ARFGAP1: variants seen among roughly 807,000 people sequenced by gnomAD.
ARFGAP1 encodes the protein ARF GTPase activating protein 1.
In ARFGAP1, 26 loss-of-function variants were observed where a neutral mutation model predicts 54.0. The ratio of observed to expected loss-of-function variants is 0.48; its 90% CI spans 0.35 to 0.67. ARFGAP1 has a LOEUF of 0.67. ARFGAP1 is among the 30% of genes least tolerant of loss of function. The pLI, the probability that ARFGAP1 is intolerant of heterozygous loss-of-function variation, is 0.00. For missense variants in ARFGAP1, 525 were observed against 535.8 expected (o/e 0.98, Z 0.20); for synonymous variants, 248 against 211.9 (o/e 1.17, Z -1.48).
Position 63,276,303 on chromosome 20 carries a change from C to A in ARFGAP1, c.170+103C>A. On this transcript the variant is annotated intron_variant, in intron 3 of 12. Transcript: ENST00000370283. The surrounding 1 kb of genome is among the most constrained non-coding windows in gnomAD (Gnocchi z 5.2). ...CGCCAGGGAAGCTTGGGGGCCACCTCCCATTGCATTGCCAGTGTCCACTCT... is the reference window on the plus strand; with the variant it reads ...CGCCAGGGAAGCTTGGGGGCCACCTACCATTGCATTGCCAGTGTCCACTCT... The A allele has an allele frequency of 7.0e-7, 1 of 1,418,846 alleles. No homozygotes were observed. The highest frequency in any genetic ancestry group is 9.8e-7 in the Non-Finnish European group (1 of 1,018,022). The allele number at this position is 1,418,846 out of a possible 1,614,324, so 87.9% of individuals were successfully genotyped here. A position where few individuals can be genotyped will look rare whatever the true frequency, so the allele number is the denominator to read the frequency against.
intron 9 of ARFGAP1, chr20:63,284,331 G>A (rs112954949): frequency 4.7e-6 from 5 of 1,069,242 alleles, no homozygotes; most frequent in African/African-American, 1.6e-5. Context: ...CCTGCCTTTG[G>A]GGGAAGAGGA....
chr20:63,275,088 C>A (rs1478933989), intron 1 of ARFGAP1, among the ~76,000 whole-genome samples: 1 of 152,192 alleles, frequency 6.6e-6, no homozygotes, highest in Non-Finnish European at 1.5e-5. Context: ...AGCCTCCCTG[C>A]ACTGCGTTGG....
chr20:63,285,570 T>C, intron 10 of ARFGAP1, 84 bp from the exon 11 acceptor site: 1 of 1,452,330 alleles, frequency 6.9e-7, no homozygotes, highest in East Asian at 2.3e-5. Flanking sequence ...TCGGATGCCC[T>C]CACCCGGGGG....
At chr20:63,278,421 TGGG>T (rs3215650) in intron 6 of ARFGAP1, 1 of 518,288 alleles carries the variant, frequency 1.9e-6, no homozygotes, top group Non-Finnish European at 3.5e-6. Flanking sequence ...AGGTGTGAAT[TGGG>T]GGGTCTTAGA....
Position 63,287,995 on chromosome 20 carries a change from C to T in ARFGAP1, c.*122C>T, listed in dbSNP as rs1284067644. 44 of 1,198,902 alleles carry T rather than the reference C, an allele frequency of 3.7e-5. No homozygotes were observed. Among genetic ancestry groups the T allele is most frequent in the East Asian group, 5.1e-5 (2 of 38,874 alleles). The allele number at this position is 1,198,902 out of a possible 1,614,324, so 74.3% of individuals were successfully genotyped here. On this transcript the variant is annotated 3_prime_UTR_variant, in exon 13 of 13. Transcript: ENST00000370283. ...CAACTGCAGTGTGAGGACAGCGTCT[C>T]GGGAGGCAGGACCCTAGGGAGACCC... is the stretch of plus-strand genomic sequence containing the variant.
At chr20:63,283,169 C>T (rs1177531116) in intron 9 of ARFGAP1, 19 of 450,708 alleles carry the variant, frequency 4.2e-5, no homozygotes, top group South Asian at 1.4e-4. Context: ...CCCACGCTGG[C>T]GGTGGCCGCT....
At chr20:63,282,599 A>T (rs2067413268) in intron 8 of ARFGAP1, among the ~76,000 whole-genome samples, 1 of 152,146 alleles carries the variant, frequency 6.6e-6, no homozygotes, top group Admixed American at 6.5e-5. Flanking sequence ...CCAATAGCAC[A>T]CCGAGCTGGC....
At chr20:63,277,710 G>A (rs533385601) in intron 5 of ARFGAP1, among the ~76,000 whole-genome samples, 82 of 152,300 alleles carry the variant, frequency 5.4e-4, no homozygotes, top group African/African-American at 1.9e-3. Context: ...GGAACGTCCC[G>A]GGTGGGGTGA....
intron 8 of ARFGAP1, among the ~76,000 whole-genome samples, chr20:63,282,309 G>A (rs553461485): frequency 3.0e-4 from 45 of 152,388 alleles, no homozygotes; most frequent in Admixed American, 2.7e-3. Flanking sequence ...GGCCTGGGGA[G>A]GCCCAGGTAC....
chr20:63,279,064 T>C (rs2067311067), intron 7 of ARFGAP1, 69 bp downstream of exon 7: 4 of 1,466,366 alleles, frequency 2.7e-6, no homozygotes, highest in Non-Finnish European at 3.8e-6. Context: ...CGGGCCATAG[T>C]GGGCAGTGTG....
In ARFGAP1 at chr20:63,276,686, G is replaced by A. The variant is rs752019185; in HGVS notation, c.342+35G>A. 1 of 1,571,738 alleles carries A rather than the reference G, an allele frequency of 6.4e-7. No individual in the cohort carries two copies. The highest frequency in any genetic ancestry group is 1.2e-5 in the South Asian group (1 of 85,090). On this transcript the variant is annotated intron_variant, in intron 4 of 12. Coordinates refer to ENST00000370283, the MANE Select transcript of ARFGAP1 (RefSeq NM_018209.4). This position sits in a 1 kb window ranked among gnomAD's most constrained non-coding sequence, Gnocchi z 5.2. ...GGCCCGATTCACTCTTGCCCATGGT[G>A]TGGGGCTGCCCTGCCGTTTGTGGCA...
At chr20:63,274,101 G>A (rs1404381114) in intron 1 of ARFGAP1, 1 of 152,172 alleles carries the variant, frequency 6.6e-6, no homozygotes, top group Admixed American at 6.5e-5. Flanking sequence ...TCAGATGTCT[G>A]CCTCATGATC....
intron 9 of ARFGAP1, 37 bp from the exon 10 acceptor site, chr20:63,284,829 A>G (rs754994305): frequency 6.2e-7 from 1 of 1,610,280 alleles, no homozygotes; most frequent in South Asian, 1.1e-5. Context: ...CCCGTGGTGG[A>G]GCTGTCGTGG....
intron 8 of ARFGAP1, among the ~76,000 whole-genome samples, chr20:63,281,598 C>T (rs1047358053): frequency 2.0e-5 from 3 of 152,118 alleles, no homozygotes; most frequent in South Asian, 2.1e-4. Context: ...AAAGGGGTCC[C>T]GCCCTGATGA....
chr20:63,285,244 C>G (rs914340745), intron 10 of ARFGAP1, among the ~76,000 whole-genome samples: 17 of 152,156 alleles, frequency 1.1e-4, no homozygotes, highest in Non-Finnish European at 1.9e-4. Flanking sequence ...TCTGCCTCAC[C>G]CCCACAGCTG....
In ARFGAP1 at chr20:63,286,438, G is replaced by C. The variant is rs1356316591; in HGVS notation, c.907G>C (p.Asp303His). The C allele has an allele frequency of 6.2e-6, 10 of 1,613,296 alleles. No individual in the cohort carries two copies. The highest frequency in any genetic ancestry group is 8.5e-6 in the Non-Finnish European group (10 of 1,179,938). ...TTCGGGGAAAGCAGAGGGCCCCTTG[G>C]ACAGGTATGCTGTGTCCCCTCCTGG... ...FFSGKAEGPL[D>H]SPSEGHSYQN... Residue 303 changes from aspartate to histidine, a missense_variant, in exon 12 of 13, where the codon GAC becomes CAC. Physicochemically the swap from Asp to His is moderately conservative, Grantham distance 81 (BLOSUM62 -1). Coordinates refer to ENST00000370283, the MANE Select transcript of ARFGAP1 (RefSeq NM_018209.4).
chr20:63,289,093 G>A lies in ARFGAP1; in HGVS notation c.*1220G>A, dbSNP rs558067589. 20 of 156,138 alleles carry A rather than the reference G, an allele frequency of 1.3e-4. No individual in the cohort carries two copies. The highest frequency in any genetic ancestry group is 3.9e-4 in the South Asian group (2 of 5,066). The allele number at this position is 156,138 out of a possible 1,614,324, so 9.7% of individuals were successfully genotyped here. On this transcript the variant is annotated 3_prime_UTR_variant, in exon 13 of 13. Transcript: ENST00000370283. Reference sequence around the variant, plus strand: ...CGAGATTTCAGCGAGCCCTCCTGGCGCCCGGTCCTCCCTGTGGGCACCAGC... The same window carrying A: ...CGAGATTTCAGCGAGCCCTCCTGGCACCCGGTCCTCCCTGTGGGCACCAGC...
At position 63,287,870 on chromosome 20, in the gene ARFGAP1, G is replaced by A. The variant is rs772078690; in HGVS notation, c.1218G>A (p.Trp406Ter). The change falls in exon 13 of 13, where the codon TGG becomes TGA. Residue 406 changes from tryptophan (W) to a stop codon, truncating the protein, a stop_gained. Transcript: ENST00000370283. LOFTEE classifies it high-confidence loss of function. Reference sequence around the variant, plus strand: ...ATGATGGCTGGGACAACCAGAACTGGTAGGGCCCACTGCGCCCCCGTCCCC... The same window carrying A: ...ATGATGGCTGGGACAACCAGAACTGATAGGGCCCACTGCGCCCCCGTCCCC... Reference protein sequence around the residue: ...PTDDGWDNQNW With the variant: ...PTDDGWDNQN 5.2e-6 allele frequency: 8 copies of A among 1,534,050 alleles called. No homozygotes were observed. In the South Asian group the frequency reaches 7.2e-5, roughly 14 times the overall value.
rs2067548660 is a variant in ARFGAP1 at position 63,286,408 on chromosome 20, T to A, written c.877T>A (p.Phe293Ile). 6.2e-7 allele frequency: 1 copy of A among 1,613,108 alleles called. No homozygotes were observed. The highest frequency in any genetic ancestry group is 8.5e-7 in the Non-Finnish European group (1 of 1,179,734). The change falls in exon 12 of 13, where the codon TTT becomes ATT. Residue 293 changes from phenylalanine (F) to isoleucine (I), a missense_variant. By Grantham distance (21) the Phe-to-Ile change is conservative. Coordinates refer to ENST00000370283, the MANE Select transcript of ARFGAP1 (RefSeq NM_018209.4). ...GSKGWRDVTTFFSGKAEGPLD... is the reference protein window; with the variant it reads ...GSKGWRDVTTIFSGKAEGPLD... ...TAAGGGATGGCGGGACGTCACCACC[T>A]TTTTTTCGGGGAAAGCAGAGGGCCC...
Sources: allele counts gnomAD v4.1 joint callset (sites outside exome capture counted in the v4.1 genomes callset), GRCh38; gene constraint gnomAD v4.1.1; non-coding constraint Gnocchi (gnomAD v3.1); transcripts MANE v1.5; gene names NCBI Gene and HGNC (gene_info 2026-07-23, HGNC 2026-07-21).